The following CENPP variants were observed in gnomAD, a reference collection of about 807,000 sequenced individuals.
CENPP encodes centromere protein P.
Under a neutral mutation model 35.6 loss-of-function variants are expected in CENPP, and 24 were observed. The ratio of observed to expected loss-of-function variants is 0.67; its 90% CI spans 0.49 to 0.95. The LOEUF is 0.95. Among genes scored for constraint, CENPP ranks in the 40% least tolerant of loss-of-function variants. The probability of loss-of-function intolerance (pLI) is 0.00; values close to 1 mark genes in which losing one functional copy is unlikely to be tolerated. For synonymous variants in CENPP, 120 were observed against 125.5 expected, an observed-to-expected ratio of 0.96 and a Z score of 0.29; for missense variants, 332 against 345.3, an observed-to-expected ratio of 0.96 and a Z score of 0.31.
chr9:92,612,223 A>G lies in CENPP; in HGVS notation c.645-300A>G, dbSNP rs1378901794. The stretch of plus-strand genomic sequence containing the variant: ...TACTGTCAGTGCCAGATTATTTCCA[A>G]AGTGGCTTGTCCATGTCTGCTCCCA... On this transcript the variant is annotated intron_variant, in intron 6 of 7. Coordinates refer to ENST00000375587, the MANE Select transcript of CENPP (RefSeq NM_001012267.3). 2.0e-5 allele frequency among the ~76,000 whole-genome samples: 3 copies of G among 152,166 alleles called. No individual in the cohort carries two copies. In the East Asian group the frequency reaches 5.8e-4, roughly 29 times the overall value.
chr9:92,397,445 G>A (rs543079798), intron 5 of CENPP, among the ~76,000 whole-genome samples: 29 of 152,228 alleles, frequency 1.9e-4, no homozygotes, highest in African/African-American at 5.8e-4. Flanking sequence ...TCCCACCTCA[G>A]CCTCCCGAGT....
chr9:92,487,598 G>T (rs572848093), intron 5 of CENPP, among the ~76,000 whole-genome samples: 1 of 152,284 alleles, frequency 6.6e-6, no homozygotes, highest in East Asian at 1.9e-4. Flanking sequence ...TTTAAGGAAA[G>T]ATAATCAAGG....
intron 5 of CENPP, chr9:92,416,575 A>T (rs752382227): frequency 3.4e-6 from 4 of 1,193,032 alleles, no homozygotes; most frequent in Non-Finnish European, 3.5e-6. Context: ...AAAGATCAGG[A>T]TTCCATTCTT....
At chr9:92,478,035 T>A (rs1402976881) in intron 5 of CENPP, among the ~76,000 whole-genome samples, 3 of 152,076 alleles carry the variant, frequency 2.0e-5, no homozygotes, top group Non-Finnish European at 4.4e-5. Flanking sequence ...TAAAAACATA[T>A]ATTCACATGA....
intron 5 of CENPP, among the ~76,000 whole-genome samples, chr9:92,610,119 G>T (rs1211799885): frequency 6.6e-6 from 1 of 152,126 alleles, no homozygotes; most frequent in Non-Finnish European, 1.5e-5. Context: ...GCAGTGGTGC[G>T]ATCTCAGCTC....
At chr9:92,540,972 A>G (rs1849304843) in intron 5 of CENPP, among the ~76,000 whole-genome samples, 1 of 151,000 alleles carries the variant, frequency 6.6e-6, no homozygotes, top group African/African-American at 2.4e-5. Flanking sequence ...TTTTTTAAAA[A>G]ATGTATTGGC....
chr9:92,449,656 T>A (rs1417392084), intron 5 of CENPP, among the ~76,000 whole-genome samples: 1 of 151,646 alleles, frequency 6.6e-6, no homozygotes, highest in East Asian at 1.9e-4. Flanking sequence ...TGGTGGGAGG[T>A]GATTGGATCA....
intron 5 of CENPP, among the ~76,000 whole-genome samples, chr9:92,578,858 G>A (rs1462457778): frequency 4.6e-5 from 7 of 152,154 alleles, no homozygotes; most frequent in African/African-American, 1.7e-4. Flanking sequence ...TGGTGTTTTA[G>A]ACATGAAGTT....
chr9:92,434,772 GT>G (rs891634385), intron 5 of CENPP, among the ~76,000 whole-genome samples: 89 of 152,288 alleles, frequency 5.8e-4, no homozygotes, highest in African/African-American at 2.0e-3. Flanking sequence ...GCAAGATGGG[GT>G]GGCTCACACC....
intron 5 of CENPP, among the ~76,000 whole-genome samples, chr9:92,579,214 T>C (rs1442307659): frequency 3.4e-5 from 5 of 148,802 alleles, no homozygotes; most frequent in South Asian, 2.2e-4. Context: ...CCTTGTAGTA[T>C]AGTTTGAAGT....
At chr9:92,454,802 G>T (rs532166576) in intron 5 of CENPP, among the ~76,000 whole-genome samples, 6 of 152,156 alleles carry the variant, frequency 3.9e-5, no homozygotes, top group Non-Finnish European at 7.4e-5. Context: ...AATGGAACTG[G>T]ATTTCCAAGG....
At chr9:92,591,376 G>A (rs753858075) in intron 5 of CENPP, among the ~76,000 whole-genome samples, 86 of 151,718 alleles carry the variant, frequency 5.7e-4, no homozygotes, top group East Asian at 3.7e-3. Flanking sequence ...CCGAGATTGC[G>A]CCACTGCACT....
intron 5 of CENPP, among the ~76,000 whole-genome samples, chr9:92,533,328 A>AAAAAAATATATATAT (rs1554683138): frequency 2.6e-5 from 1 of 38,332 alleles, no homozygotes; most frequent in Non-Finnish European, 4.3e-5. Context: ...AAAAAAAAAA[A>AAAAAAATATATATAT]ATATATATAT....
chr9:92,594,688 C>T (rs1267100157), intron 5 of CENPP, among the ~76,000 whole-genome samples: 3 of 152,048 alleles, frequency 2.0e-5, no homozygotes, highest in Non-Finnish European at 4.4e-5. Context: ...GGCATGGTAG[C>T]TCACACCTGT....
At chr9:92,590,281 C>G (rs1023440052) in intron 5 of CENPP, among the ~76,000 whole-genome samples, 2 of 152,184 alleles carry the variant, frequency 1.3e-5, no homozygotes, top group Non-Finnish European at 2.9e-5. Flanking sequence ...AATGCATTCT[C>G]TTGCTTTATA....
intron 5 of CENPP, among the ~76,000 whole-genome samples, chr9:92,381,029 C>T (rs535758263): frequency 6.6e-6 from 1 of 152,146 alleles, no homozygotes; most frequent in African/African-American, 2.4e-5. Flanking sequence ...GTCCTGTAAC[C>T]GTCACCAATA....
At position 92,348,112 on chromosome 9, in the gene CENPP, C is replaced by CT. The variant is rs11353028; in HGVS notation, c.467+2341dup. On this transcript the variant is annotated intron_variant, in intron 4 of 7. Coordinates refer to ENST00000375587, the MANE Select transcript of CENPP (RefSeq NM_001012267.3). ...GCTAATTTTCTTTCTTTCTTTCTTT[C>CT]TTTTTTTTTTTTTTTTGTGCATTTT... Among the ~76,000 whole-genome samples the CT allele has an allele frequency of 1.4e-4, 18 of 125,220 alleles. No homozygotes were observed. The East Asian group carries it at 1.7e-3, about 12-fold the overall frequency. 82.1% of individuals were successfully genotyped at this position (125,220 alleles called of 152,430 possible). A position where few individuals can be genotyped will look rare whatever the true frequency, so the allele number is the denominator to read the frequency against.
chr9:92,375,315 G>A (rs1842099881), intron 4 of CENPP, among the ~76,000 whole-genome samples: 2 of 150,430 alleles, frequency 1.3e-5, no homozygotes, highest in Admixed American at 6.6e-5. Flanking sequence ...TTTTTGGAGA[G>A]GGAGACTCAC....
chr9:92,483,894 A>G (rs1845992369), intron 5 of CENPP, among the ~76,000 whole-genome samples: 1 of 152,172 alleles, frequency 6.6e-6, no homozygotes, highest in Non-Finnish European at 1.5e-5. Context: ...CTCAGGCCCC[A>G]TCCTAGCCCT....
Sources: gnomAD v4.1 joint callset for allele counts (sites outside exome capture counted in the v4.1 genomes callset) on GRCh38, gnomAD v4.1.1 for gene constraint, MANE v1.5 for transcripts, NCBI Gene and HGNC (gene_info 2026-07-23, HGNC 2026-07-21) for gene names.